Variants in LINC00237 observed in about 807,000 individuals in gnomAD.
The protein encoded by LINC00237 is long independently transcribed non-coding RNA 237.
At chr20:21,090,737 C>G (rs1355834109) in intron 2 of LINC00237, among the ~76,000 whole-genome samples, 1 of 152,134 alleles carries the variant, frequency 6.6e-6, no homozygotes, top group Admixed American at 6.6e-5. Context: ...AGCCGCTGCC[C>G]TTGCTCCCTG....
chr20:21,092,223 T>C (rs973797036), intron 2 of LINC00237, among the ~76,000 whole-genome samples: 3 of 152,220 alleles, frequency 2.0e-5, no homozygotes, highest in African/African-American at 7.2e-5. Flanking sequence ...GAAGGATTAC[T>C]CTTGGTTTAT....
chr20:21,094,685 G>T (rs1386287876), intron 1 of LINC00237, among the ~76,000 whole-genome samples: 1 of 152,132 alleles, frequency 6.6e-6, no homozygotes, highest in Non-Finnish European at 1.5e-5. Flanking sequence ...AGTCCTAATT[G>T]GAGGCTGAAG....
chr20:21,096,343 CTCA>C (rs1448923072), intron 1 of LINC00237, among the ~76,000 whole-genome samples: 3 of 152,170 alleles, frequency 2.0e-5, no homozygotes, highest in Admixed American at 6.5e-5. Flanking sequence ...GTACATGACT[CTCA>C]TTAGTGTAAT....
At chr20:21,087,913 A>G (rs1371683735) in intron 3 of LINC00237, 1 of 152,194 alleles carries the variant, frequency 6.6e-6, no homozygotes, top group African/African-American at 2.4e-5. Context: ...TTATGGCAGC[A>G]AACTCCTCCT....
chr20:21,102,696 G>GAA (rs34351894), intron 1 of LINC00237, among the ~76,000 whole-genome samples: 2,656 of 130,836 alleles, frequency 0.02, 56 homozygotes, highest in African/African-American at 0.057. Flanking sequence ...TATTTTATAA[G>GAA]AAAAAAAAAA....
intron 3 of LINC00237, among the ~76,000 whole-genome samples, chr20:21,086,806 ATG>A (rs2030714001): frequency 8.1e-6 from 1 of 123,938 alleles, no homozygotes; most frequent in Non-Finnish European, 1.6e-5. Flanking sequence ...TACTATATAT[ATG>A]TATAGTATAC....
intron 2 of LINC00237, chr20:21,089,699 C>T (rs977763764): frequency 5.9e-5 from 9 of 152,084 alleles, no homozygotes; most frequent in African/African-American, 1.7e-4. Context: ...TAATCTCAGC[C>T]GACTGGGGAG....
exon 3 of LINC00237, chr20:21,088,018 CT>C (rs1227868282): frequency 6.6e-6 from 1 of 152,164 alleles, no homozygotes; most frequent in African/African-American, 2.4e-5. Flanking sequence ...AAATTCATAC[CT>C]CCCAGCCTTC....
chr20:21,091,937 AT>A (rs1035447215), intron 2 of LINC00237, among the ~76,000 whole-genome samples: 1 of 151,758 alleles, frequency 6.6e-6, no homozygotes, highest in Non-Finnish European at 1.5e-5. Flanking sequence ...TTTTCCAGGT[AT>A]TTTTTTTCTC....
At chr20:21,085,615 A>G (rs2030681125) in exon 4 of LINC00237, among the ~76,000 whole-genome samples, 1 of 152,186 alleles carries the variant, frequency 6.6e-6, no homozygotes, top group Admixed American at 6.5e-5. Context: ...GTTCAAAAAC[A>G]GGAAAAATTA....
chr20:21,105,466 G>C (rs1600316233), intron 1 of LINC00237, among the ~76,000 whole-genome samples: 5 of 152,222 alleles, frequency 3.3e-5, no homozygotes, highest in African/African-American at 2.4e-5. Context: ...AGCCCCCGGA[G>C]CAGACCTGGC....
intron 1 of LINC00237, among the ~76,000 whole-genome samples, chr20:21,095,408 AAAAT>A (rs1301577212): frequency 3.3e-5 from 5 of 152,226 alleles, no homozygotes; most frequent in African/African-American, 1.2e-4. Flanking sequence ...ATTGTGAAAA[AAAAT>A]AAACTGTTGT....
exon 4 of LINC00237, among the ~76,000 whole-genome samples, chr20:21,085,815 A>C (rs1453996651): frequency 1.3e-5 from 2 of 151,846 alleles, no homozygotes; most frequent in East Asian, 3.9e-4. Context: ...TTACTTTATC[A>C]TTATGAAAAC....
chr20:21,086,855 A>G (rs2030716395), intron 3 of LINC00237, among the ~76,000 whole-genome samples: 1 of 129,068 alleles, frequency 7.7e-6, no homozygotes, highest in Non-Finnish European at 1.6e-5. Flanking sequence ...AGTATACACT[A>G]TATATGTATA....
At chr20:21,086,456 T>C (rs1417051656) in intron 3 of LINC00237, among the ~76,000 whole-genome samples, 4 of 150,446 alleles carry the variant, frequency 2.7e-5, no homozygotes, top group East Asian at 2.0e-4. Flanking sequence ...CAATCACAAG[T>C]ATCTATATCT....
intron 1 of LINC00237, among the ~76,000 whole-genome samples, chr20:21,104,821 A>G (rs778068331): frequency 6.6e-6 from 1 of 152,128 alleles, no homozygotes. Context: ...TTTTGAGAGG[A>G]CACACACAGA....
At chr20:21,096,393 T>C (rs1477197147) in intron 1 of LINC00237, among the ~76,000 whole-genome samples, 2 of 152,142 alleles carry the variant, frequency 1.3e-5, no homozygotes, top group African/African-American at 4.8e-5. Flanking sequence ...GGTGCAAGTA[T>C]GAGATGACAA....
chr20:21,103,563 A>G (rs544160978), intron 1 of LINC00237, among the ~76,000 whole-genome samples: 2 of 152,336 alleles, frequency 1.3e-5, no homozygotes, highest in East Asian at 3.9e-4. Flanking sequence ...TATTTAGTGC[A>G]ATATGAAATC....
At chr20:21,103,123 C>A (rs990022333) in intron 1 of LINC00237, among the ~76,000 whole-genome samples, 8 of 152,270 alleles carry the variant, frequency 5.3e-5, no homozygotes, top group Non-Finnish European at 8.8e-5. Context: ...CACTCCCCGG[C>A]CTCAGAGCCC....
Sources: allele counts gnomAD v4.1 joint callset (sites outside exome capture counted in the v4.1 genomes callset), GRCh38; gene constraint gnomAD v4.1.1; transcripts MANE v1.5; gene names NCBI Gene and HGNC (gene_info 2026-07-23, HGNC 2026-07-21).